The following RSPO2 variants were observed in gnomAD, a reference collection of about 807,000 sequenced individuals.
RSPO2 encodes R-spondin 2, also known as R-spondin-2.
RSPO2 carries 14 observed loss-of-function variants against 30.9 expected under a neutral mutation model. The observed-to-expected ratio is 0.45, with a 90% CI of 0.30 to 0.71. The LOEUF is 0.71. Ranked by LOEUF, RSPO2 falls within the 30% of genes least tolerant of loss-of-function variation. The probability of loss-of-function intolerance (pLI) is 0.08; values close to 1 mark genes in which losing one functional copy is unlikely to be tolerated. For missense variants in RSPO2, 264 were observed against 301.9 expected (o/e 0.87, Z 0.93); for synonymous variants, 107 against 96.4 (o/e 1.11, Z -0.64).
chr8:107,998,321 A>G (rs910482713), intron 2 of RSPO2, among the ~76,000 whole-genome samples: 1 of 152,162 alleles, frequency 6.6e-6, no homozygotes, highest in Non-Finnish European at 1.5e-5. Context: ...CATTCTCCCC[A>G]CTAGATCTTG....
chr8:108,058,658 C>A (rs1395437583), intron 2 of RSPO2, among the ~76,000 whole-genome samples: 1 of 151,816 alleles, frequency 6.6e-6, no homozygotes, highest in Non-Finnish European at 1.5e-5. Flanking sequence ...AGATATAGAT[C>A]AATGGAACAG....
At chr8:107,906,991 ATATT>A (rs1224332630) in intron 5 of RSPO2, among the ~76,000 whole-genome samples, 4 of 152,038 alleles carry the variant, frequency 2.6e-5, no homozygotes, top group Non-Finnish European at 5.9e-5. Context: ...CAATACATAT[ATATT>A]TAACACATAT....
At chr8:107,951,946 C>T (rs1813263299) in intron 5 of RSPO2, among the ~76,000 whole-genome samples, 1 of 152,086 alleles carries the variant, frequency 6.6e-6, no homozygotes, top group African/African-American at 2.4e-5. Context: ...CCTTACCCTC[C>T]AATATGTGAA....
chr8:107,982,357 C>T (rs991828588), intron 3 of RSPO2, among the ~76,000 whole-genome samples: 1 of 152,112 alleles, frequency 6.6e-6, no homozygotes, highest in African/African-American at 2.4e-5. Flanking sequence ...AATCCTTAAC[C>T]TTGATTGACA....
chr8:108,082,871 C>A (rs962678807), intron 1 of RSPO2, 64 bp from the exon 2 acceptor site: 3 of 492,942 alleles, frequency 6.1e-6, no homozygotes, highest in Non-Finnish European at 1.1e-5. Context: ...GAGGCAGCTG[C>A]GCCTTCGCAC....
In RSPO2 at chr8:108,003,295, ATATATATATATATATATTTTTTTTT is replaced by A. The variant is rs1158403540; in HGVS notation, c.95-14076_95-14052del. 2.6e-4 allele frequency among the ~76,000 whole-genome samples: 7 copies of A among 27,442 alleles called. No individual in the cohort carries two copies. In the South Asian group the frequency reaches 5.0e-3, roughly 19 times the overall value. 18.0% of individuals were successfully genotyped at this position (27,442 alleles called of 152,430 possible). A position where few individuals can be genotyped will look rare whatever the true frequency, so the allele number is the denominator to read the frequency against. ...TGTGTGTGTATATATATATATATAT[ATATATATATATATATATTTTTTTTT>A]TTTTTTTTTTTTTTTTTAAGTAGAG... On this transcript the variant is annotated intron_variant, in intron 2 of 5. Coordinates refer to ENST00000276659, the MANE Select transcript of RSPO2 (RefSeq NM_178565.5).
intron 3 of RSPO2, among the ~76,000 whole-genome samples, chr8:107,981,276 T>A (rs780556715): frequency 3.9e-5 from 6 of 152,256 alleles, no homozygotes; most frequent in South Asian, 4.2e-4. Flanking sequence ...CTTAGCACTT[T>A]GGGAGGCCAA....
chr8:108,031,586 A>G (rs1811423925), intron 2 of RSPO2, among the ~76,000 whole-genome samples: 1 of 152,242 alleles, frequency 6.6e-6, no homozygotes, highest in Admixed American at 6.5e-5. Flanking sequence ...CATAAAAAAC[A>G]AAACGGTAAA....
chr8:107,902,654 G>T (rs1811515953), intron 5 of RSPO2, among the ~76,000 whole-genome samples: 1 of 151,996 alleles, frequency 6.6e-6, no homozygotes. Flanking sequence ...GATCAGAAAG[G>T]ATCTGTTTTA....
At chr8:107,931,650 C>A (rs778655802) in intron 5 of RSPO2, among the ~76,000 whole-genome samples, 1 of 152,250 alleles carries the variant, frequency 6.6e-6, no homozygotes, top group South Asian at 2.1e-4. Flanking sequence ...TAATGGCACT[C>A]ACTACATAGT....
intron 2 of RSPO2, among the ~76,000 whole-genome samples, chr8:108,020,447 T>C (rs1586633691): frequency 6.6e-6 from 1 of 152,210 alleles, no homozygotes; most frequent in South Asian, 2.1e-4. Context: ...TATTCCCTAC[T>C]ACCTAAAGAA....
intron 3 of RSPO2, among the ~76,000 whole-genome samples, chr8:107,966,451 C>A (rs186995512): frequency 3.9e-4 from 59 of 152,246 alleles, no homozygotes; most frequent in African/African-American, 1.4e-3. Flanking sequence ...AAAGACACAG[C>A]GAGCTGGAGA....
intron 2 of RSPO2, among the ~76,000 whole-genome samples, chr8:108,041,221 A>G (rs1301574049): frequency 1.3e-5 from 2 of 151,312 alleles, no homozygotes; most frequent in African/African-American, 2.4e-5. Flanking sequence ...AAAAAAAAAA[A>G]AAGAAGAGCC....
chr8:107,984,809 T>G (rs1814569604), intron 3 of RSPO2, among the ~76,000 whole-genome samples: 1 of 152,196 alleles, frequency 6.6e-6, no homozygotes, highest in African/African-American at 2.4e-5. Context: ...ATATGTGTTT[T>G]GTTTACAAGT....
intron 2 of RSPO2, among the ~76,000 whole-genome samples, chr8:108,022,756 T>A (rs1811093751): frequency 6.6e-6 from 1 of 151,778 alleles, no homozygotes. Context: ...AGAAACGCCA[T>A]CTCTACTAAA....
chr8:108,006,037 A>G (rs540936444), intron 2 of RSPO2, among the ~76,000 whole-genome samples: 2 of 152,328 alleles, frequency 1.3e-5, no homozygotes, highest in Admixed American at 1.3e-4. Context: ...GCCTTTTTAG[A>G]ATAGCATACA....
intron 2 of RSPO2, among the ~76,000 whole-genome samples, chr8:108,031,197 C>T (rs1028344256): frequency 1.3e-5 from 2 of 152,146 alleles, no homozygotes; most frequent in African/African-American, 4.8e-5. Context: ...AGGCTTGAAC[C>T]TACCACCAGA....
intron 5 of RSPO2, among the ~76,000 whole-genome samples, chr8:107,949,046 C>T (rs1283853505): frequency 6.8e-6 from 1 of 146,342 alleles, no homozygotes; most frequent in African/African-American, 2.5e-5. Context: ...TTTTGGGGAA[C>T]AGGTGGTTTT....
intron 5 of RSPO2, among the ~76,000 whole-genome samples, chr8:107,938,595 G>A (rs927154686): frequency 8.5e-5 from 13 of 152,102 alleles, no homozygotes; most frequent in South Asian, 2.1e-4. Context: ...AAAGTATTTG[G>A]AAGCTAAACA....
Sources: gnomAD v4.1 joint callset for allele counts (sites outside exome capture counted in the v4.1 genomes callset) on GRCh38, gnomAD v4.1.1 for gene constraint, MANE v1.5 for transcripts, NCBI Gene and HGNC (gene_info 2026-07-23, HGNC 2026-07-21) for gene names.